Variants in ELAPOR2 observed in about 807,000 individuals in gnomAD.
ELAPOR2 encodes the protein endosome-lysosome associated apoptosis and autophagy regulator family member 2, also known as endosome/lysosome-associated apoptosis and autophagy regulator family member 2.
Under a neutral mutation model 120.7 loss-of-function variants are expected in ELAPOR2, and 89 were observed. That is an observed-to-expected ratio of 0.74 (90% confidence interval 0.62 to 0.88). The LOEUF is 0.88. ELAPOR2 is among the 40% of genes least tolerant of loss of function. The probability of loss-of-function intolerance (pLI) is 0.00; values close to 1 mark genes in which losing one functional copy is unlikely to be tolerated. For missense variants in ELAPOR2, 1,134 were observed against 1,251.6 expected, an observed-to-expected ratio of 0.91 and a Z score of 1.42; for synonymous variants, 444 against 444.9, an observed-to-expected ratio of 1.00 and a Z score of 0.03.
intron 1 of ELAPOR2, among the ~76,000 whole-genome samples, chr7:87,042,887 G>A (rs552631817): frequency 1.3e-5 from 2 of 152,236 alleles, no homozygotes; most frequent in East Asian, 1.9e-4. Flanking sequence ...GACAAAAAGA[G>A]AGAGGAATCA....
At chr7:86,999,818 T>G (rs1259183520) in intron 1 of ELAPOR2, among the ~76,000 whole-genome samples, 1 of 152,162 alleles carries the variant, frequency 6.6e-6, no homozygotes, top group Non-Finnish European at 1.5e-5. Flanking sequence ...TTTGATGGCA[T>G]AAAGCACTAA....
At chr7:86,884,460 G>C (rs530788664) in intron 21 of ELAPOR2, among the ~76,000 whole-genome samples, 1 of 152,198 alleles carries the variant, frequency 6.6e-6, no homozygotes, top group East Asian at 1.9e-4. Flanking sequence ...AACTGAACCC[G>C]GATTGAAAAT....
In ELAPOR2 at chr7:86,993,212, A is replaced by G. The variant is rs571753424; in HGVS notation, c.190-28188T>C. Among the ~76,000 whole-genome samples, 210 of 142,242 alleles carry G rather than the reference A, an allele frequency of 1.5e-3. 3 individuals carry two copies. The highest frequency in any genetic ancestry group is 2.8e-3 in the Non-Finnish European group (182 of 65,698). The allele number at this position is 142,242 out of a possible 152,430, so 93.3% of individuals were successfully genotyped here. ...GATCGCACCACCGTACTCCAGCCTG[A>G]TGACAGAGCGAGACTCCATCTCAAA... On this transcript the variant is annotated intron_variant, in intron 1 of 21. Transcript: ENST00000450689.
intron 21 of ELAPOR2, among the ~76,000 whole-genome samples, chr7:86,888,149 G>A (rs767293699): frequency 1.6e-4 from 24 of 152,050 alleles, no homozygotes; most frequent in South Asian, 6.2e-4. Context: ...CCTGATGAGT[G>A]CACTGCCCCC....
chr7:86,983,030 C>A (rs534322769), intron 1 of ELAPOR2, among the ~76,000 whole-genome samples: 57 of 152,230 alleles, frequency 3.7e-4, no homozygotes, highest in African/African-American at 1.3e-3. Flanking sequence ...ACGAGAATGA[C>A]GTGACACATG....
rs1216103976 is a variant in ELAPOR2, at chr7:86,974,576, C to T, written c.190-9552G>A. Among the ~76,000 whole-genome samples the T allele has an allele frequency of 4.2e-5, 3 of 70,990 alleles. No homozygotes were observed. In the South Asian group the frequency reaches 1.3e-3, roughly 31 times the overall value. The allele number at this position is 70,990 out of a possible 152,430, so 46.6% of individuals were successfully genotyped here. ...GTTATAAAGCAATATATCTGAACCC[C>T]TGTAGTGTGTGTGTGTGTGTGTGTG... On this transcript the variant is annotated intron_variant, in intron 1 of 21. Coordinates refer to ENST00000450689, the MANE Select transcript of ELAPOR2 (RefSeq NM_001142749.3).
At chr7:86,949,619 C>T (rs1791154617) in intron 2 of ELAPOR2, among the ~76,000 whole-genome samples, 1 of 152,168 alleles carries the variant, frequency 6.6e-6, no homozygotes, top group Non-Finnish European at 1.5e-5. Context: ...AGGAAGAACC[C>T]CTTCCCCCAC....
intron 2 of ELAPOR2, among the ~76,000 whole-genome samples, chr7:86,963,995 A>T (rs1791813957): frequency 6.6e-6 from 1 of 152,174 alleles, no homozygotes; most frequent in African/African-American, 2.4e-5. Context: ...TTTATCAGTA[A>T]ATCCACCAAT....
At chr7:86,902,723 G>T (rs1788781649) in intron 18 of ELAPOR2, among the ~76,000 whole-genome samples, 1 of 152,282 alleles carries the variant, frequency 6.6e-6, no homozygotes, top group Middle Eastern at 3.4e-3. Context: ...CCCTTTGCAG[G>T]GGGAGGAGTC....
In ELAPOR2 at chr7:86,919,229, G is replaced by A. The variant is rs139726538; in HGVS notation, c.1481C>T (p.Pro494Leu). 2,375 of 1,608,848 alleles carry A rather than the reference G, an allele frequency of 1.5e-3. 3 individuals carry two copies. The highest frequency in any genetic ancestry group is 1.9e-3 in the Non-Finnish European group (2,182 of 1,176,074). Residue 494 changes from proline to leucine, a missense_variant, in exon 11 of 22, where the codon CCA becomes CTA. Physicochemically the swap from Pro to Leu is moderately conservative, Grantham distance 98. Around this residue, in one of 3 missense-constraint regions of ELAPOR2, gnomAD observed 831 missense variants for 867.6 expected, o/e 0.96. Coordinates refer to ENST00000450689, the MANE Select transcript of ELAPOR2 (RefSeq NM_001142749.3). ...GAATTGTTTTCCTTACTTAAATCCTGGGATATGCAAGTTTAAGATCAGGTA... is the reference window on the plus strand; with the variant it reads ...GAATTGTTTTCCTTACTTAAATCCTAGGATATGCAAGTTTAAGATCAGGTA... ...NDYLILNLHI[P>L]GFKPPTSMTG...
chr7:86,919,366 A>C (rs1410673443), intron 10 of ELAPOR2, 56 bp from the exon 11 acceptor site: 15 of 1,022,818 alleles, frequency 1.5e-5, no homozygotes, highest in Non-Finnish European at 1.9e-5. Flanking sequence ...GATCTCCAAC[A>C]ATCTGTTTAA....
At chr7:87,044,987 G>C (rs1273438567) in intron 1 of ELAPOR2, among the ~76,000 whole-genome samples, 1 of 146,104 alleles carries the variant, frequency 6.8e-6, no homozygotes, top group Non-Finnish European at 1.5e-5. Context: ...CATTTATGCA[G>C]CCAAAAAACA....
At chr7:86,925,755 G>T in intron 9 of ELAPOR2, 99 bp from the exon 10 acceptor site, 1 of 1,107,248 alleles carries the variant, frequency 9.0e-7, no homozygotes, top group Non-Finnish European at 1.3e-6. Flanking sequence ...TTAGCAGGGA[G>T]AGAAGTGGAA....
chr7:86,983,249 T>C (rs1026707543), intron 1 of ELAPOR2, among the ~76,000 whole-genome samples: 4 of 152,170 alleles, frequency 2.6e-5, no homozygotes, highest in Non-Finnish European at 5.9e-5. Flanking sequence ...TGGAACCAAG[T>C]TGGAAAACAC....
At chr7:87,014,738 A>G (rs1793814561) in intron 1 of ELAPOR2, among the ~76,000 whole-genome samples, 1 of 152,176 alleles carries the variant, frequency 6.6e-6, no homozygotes, top group Non-Finnish European at 1.5e-5. Context: ...TACCCACTAT[A>G]GAGAGCTCTT....
At chr7:86,927,042 A>G in intron 8 of ELAPOR2, 126 bp from the exon 9 acceptor site, 2 of 794,628 alleles carry the variant, frequency 2.5e-6, no homozygotes, top group Non-Finnish European at 3.6e-6. Flanking sequence ...GACAGAATCT[A>G]AAACATCAGT....
intron 1 of ELAPOR2, among the ~76,000 whole-genome samples, chr7:87,037,917 T>C (rs184575583): frequency 7.1e-4 from 108 of 152,344 alleles, no homozygotes; most frequent in Non-Finnish European, 1.2e-3. Context: ...GTTTCTTTAG[T>C]CTGATTTAGT....
chr7:86,918,403 G>A (rs757432595), intron 12 of ELAPOR2, 39 bp downstream of exon 12: 22 of 1,187,002 alleles, frequency 1.9e-5, no homozygotes, highest in African/African-American at 3.1e-5. Context: ...AGAATGCTAA[G>A]CTTAGAAATC....
intron 15 of ELAPOR2, 107 bp downstream of exon 15, chr7:86,911,965 C>T (rs1206552084): frequency 4.3e-6 from 5 of 1,158,194 alleles, no homozygotes; most frequent in Non-Finnish European, 6.2e-6. Context: ...CAGTTTCTGA[C>T]ACTTGGTTGA....
Sources: gnomAD v4.1 joint callset for allele counts (sites outside exome capture counted in the v4.1 genomes callset) on GRCh38, gnomAD v4.1.1 for gene constraint, gnomAD v4.1.1 regional missense constraint, MANE v1.5 for transcripts, NCBI Gene and HGNC (gene_info 2026-07-23, HGNC 2026-07-21) for gene names.